Variants in C8orf34 observed in about 807,000 individuals in gnomAD.
C8orf34 encodes the protein uncharacterized protein C8orf34.
A neutral mutation model predicts 68.3 loss-of-function variants in C8orf34; 65 were observed. The ratio of observed to expected loss-of-function variants is 0.95; its 90% CI spans 0.78 to 1.17. The LOEUF (loss-of-function observed/expected upper bound fraction) is 1.17. Among genes scored for constraint, C8orf34 ranks in the 50% most tolerant of loss-of-function variants. The pLI is 0.00. For synonymous variants in C8orf34, 244 were observed against 241.2 expected, an observed-to-expected ratio of 1.01 and a Z score of -0.11; for missense variants, 664 against 655.4, an observed-to-expected ratio of 1.01 and a Z score of -0.14.
rs1817777334 is a variant in C8orf34, at chr8:68,603,857, C to A, written c.1106-36519C>A. ...AATTACACTAAAGATCTGTGCATTT[C>A]ACTGTGTATAACCTCAATAAAAGAA... On this transcript the variant is annotated intron_variant, in intron 7 of 13. Coordinates refer to ENST00000518698, the MANE Select transcript of C8orf34 (RefSeq NM_052958.4). Among the ~76,000 whole-genome samples the A allele has an allele frequency of 2.6e-5, 4 of 152,080 alleles. No homozygotes were observed. The South Asian group carries it at 8.3e-4, about 32-fold the overall frequency.
intron 4 of C8orf34, among the ~76,000 whole-genome samples, chr8:68,473,360 G>C (rs1429441399): frequency 6.6e-6 from 1 of 152,114 alleles, no homozygotes; most frequent in Non-Finnish European, 1.5e-5. Context: ...ATACCAGGAA[G>C]CTGGCTGCCC....
intron 8 of C8orf34, 64 bp downstream of exon 8, chr8:68,640,575 G>A: frequency 6.8e-7 from 1 of 1,466,072 alleles, no homozygotes; most frequent in Non-Finnish European, 9.3e-7. Flanking sequence ...CTAAGATTTT[G>A]ATACAAAGAT....
At chr8:68,812,599 T>C (rs765321932) in intron 12 of C8orf34, among the ~76,000 whole-genome samples, 35 of 152,200 alleles carry the variant, frequency 2.3e-4, no homozygotes, top group Non-Finnish European at 2.4e-4. Context: ...TCTACCTAAT[T>C]ATAAAAAATT....
rs578189343 is a variant in C8orf34, at chr8:68,782,360, A to T, written c.1456-5083A>T. ...CAAATTTAATAATTCATAAATTTAAAAAAAAGCAAGTTAAAGTCCTTACAA... is the reference window on the plus strand; with the variant it reads ...CAAATTTAATAATTCATAAATTTAATAAAAAGCAAGTTAAAGTCCTTACAA... On this transcript the variant is annotated intron_variant, in intron 11 of 13. Transcript: ENST00000518698. Among the ~76,000 whole-genome samples, 31 of 152,266 alleles carry T rather than the reference A, an allele frequency of 2.0e-4. 2 individuals are homozygous for T. In the East Asian group the frequency reaches 5.6e-3, roughly 28 times the overall value.
chr8:68,493,087 T>C (rs1253965050), intron 5 of C8orf34, among the ~76,000 whole-genome samples: 1 of 152,148 alleles, frequency 6.6e-6, no homozygotes, highest in Non-Finnish European at 1.5e-5. Context: ...AAGAAGTATA[T>C]GGGAAAGTAT....
chr8:68,671,629 A>G (rs1009451674), intron 8 of C8orf34, among the ~76,000 whole-genome samples: 2 of 152,192 alleles, frequency 1.3e-5, no homozygotes, highest in Non-Finnish European at 2.9e-5. Flanking sequence ...ATTGGTTTCA[A>G]TTTGTAGTTG....
In C8orf34 at chr8:68,533,222, T is replaced by C. The variant is rs1411303613; in HGVS notation, c.1105+73T>C. On this transcript the variant is annotated intron_variant, in intron 7 of 13. Transcript: ENST00000518698. Reference sequence around the variant, plus strand: ...AAAAAAACGTGTGGTGATTAAGAGATTTTAAAAGTTTTGAATAGCCTTGTC... The same window carrying C: ...AAAAAAACGTGTGGTGATTAAGAGACTTTAAAAGTTTTGAATAGCCTTGTC... 7 of 1,490,046 alleles carry C rather than the reference T, an allele frequency of 4.7e-6. No individual in the cohort carries two copies. The East Asian group carries it at 1.5e-4, about 31-fold the overall frequency. 92.3% of individuals were successfully genotyped at this position (1,490,046 alleles called of 1,614,324 possible).
At chr8:68,640,181 C>G (rs1818962216) in intron 7 of C8orf34, among the ~76,000 whole-genome samples, 195 bp from the exon 8 acceptor site, 1 of 152,152 alleles carries the variant, frequency 6.6e-6, no homozygotes, top group Admixed American at 6.5e-5. Flanking sequence ...TCTTGTAAAT[C>G]TTCACACATA....
chr8:68,719,844 A>T (rs1264152722), intron 9 of C8orf34, among the ~76,000 whole-genome samples: 2 of 151,982 alleles, frequency 1.3e-5, no homozygotes, highest in Non-Finnish European at 2.9e-5. Context: ...GATTACTGAA[A>T]TAAGAACTTC....
chr8:68,581,344 G>T (rs895244501), intron 7 of C8orf34, among the ~76,000 whole-genome samples: 1 of 151,952 alleles, frequency 6.6e-6, no homozygotes, highest in African/African-American at 2.4e-5. Context: ...CTTTCTTCTG[G>T]GTACTGGGAG....
intron 10 of C8orf34, among the ~76,000 whole-genome samples, chr8:68,742,719 C>G (rs890522392): frequency 6.6e-6 from 1 of 151,858 alleles, no homozygotes; most frequent in Non-Finnish European, 1.5e-5. Flanking sequence ...TGCCCTTTCA[C>G]CAACATCTTA....
chr8:68,409,292 T>C (rs2129621988), intron 1 of C8orf34, among the ~76,000 whole-genome samples: 1 of 152,302 alleles, frequency 6.6e-6, no homozygotes, highest in South Asian at 2.1e-4. Flanking sequence ...GAAGAAAGCA[T>C]TGTTGTCAAA....
intron 1 of C8orf34, among the ~76,000 whole-genome samples, chr8:68,418,623 C>A (rs900037524): frequency 1.6e-4 from 25 of 151,964 alleles, no homozygotes; most frequent in African/African-American, 5.6e-4. Context: ...GTACTGGTAC[C>A]AAAACAGAGA....
chr8:68,423,083 C>A (rs1211327678), intron 1 of C8orf34, among the ~76,000 whole-genome samples: 1 of 152,204 alleles, frequency 6.6e-6, no homozygotes, highest in African/African-American at 2.4e-5. Context: ...AAGTCTCTGA[C>A]ATGCGCAGAG....
chr8:68,537,327 A>G (rs1815518714), intron 7 of C8orf34, among the ~76,000 whole-genome samples: 1 of 152,066 alleles, frequency 6.6e-6, no homozygotes, highest in Non-Finnish European at 1.5e-5. Context: ...AACTCTTTTT[A>G]TCTCTTTGTT....
chr8:68,620,805 C>A (rs1818367714), intron 7 of C8orf34, among the ~76,000 whole-genome samples: 1 of 150,712 alleles, frequency 6.6e-6, no homozygotes. Flanking sequence ...TCCCCCATTA[C>A]CCAATAAGAT....
chr8:68,664,551 G>A (rs1819779859), intron 8 of C8orf34, among the ~76,000 whole-genome samples: 1 of 152,186 alleles, frequency 6.6e-6, no homozygotes, highest in African/African-American at 2.4e-5. Context: ...AGTAGGCCTT[G>A]TGATAGATGA....
intron 1 of C8orf34, among the ~76,000 whole-genome samples, chr8:68,355,523 G>A (rs1316932437): frequency 2.6e-5 from 4 of 152,184 alleles, no homozygotes; most frequent in African/African-American, 9.7e-5. Context: ...CAGCAACACA[G>A]TAGATGCTGT....
rs397790617 is a variant in C8orf34 at position 68,595,137 on chromosome 8, AT to A, written c.1106-45228del. 5.2e-3 allele frequency among the ~76,000 whole-genome samples: 776 copies of A among 147,914 alleles called. 3 individuals are homozygous for A. The highest frequency in any genetic ancestry group is 0.017 in the African/African-American group (675 of 40,364). On this transcript the variant is annotated intron_variant, in intron 7 of 13. Coordinates refer to ENST00000518698, the MANE Select transcript of C8orf34 (RefSeq NM_052958.4). ...AAAAATGGTAAAAAAAAAAAAAAAA[AT>A]TTTTTTTTTTACAATAATAAACTTT...
Sources: gnomAD v4.1 joint callset for allele counts (sites outside exome capture counted in the v4.1 genomes callset) on GRCh38, gnomAD v4.1.1 for gene constraint, MANE v1.5 for transcripts, NCBI Gene and HGNC (gene_info 2026-07-23, HGNC 2026-07-21) for gene names.